HELZ2: variants seen among roughly 807,000 people sequenced by gnomAD.
HELZ2 encodes the protein helicase with zinc finger 2.
Under a neutral mutation model 208.8 loss-of-function variants are expected in HELZ2, and 143 were observed. The ratio of observed to expected loss-of-function variants is 0.68; its 90% CI spans 0.60 to 0.79. The LOEUF is 0.79. HELZ2 is among the 30% of genes least tolerant of loss of function. HELZ2 has a pLI of 0.00. For synonymous variants in HELZ2, 1,705 were observed against 1,693.7 expected, an observed-to-expected ratio of 1.01 and a Z score of -0.16; for missense variants, 3,690 against 3,794.5, an observed-to-expected ratio of 0.97 and a Z score of 0.72.
downstream of HELZ2, chr20:63,559,011 C>T (rs759291423): frequency 1.1e-4 from 51 of 471,130 alleles, no homozygotes; most frequent in Middle Eastern, 5.6e-4. Flanking sequence ...CCAAGGAAGC[C>T]CCTCTTGGCC....
chr20:63,561,486 G>A lies in HELZ2; in HGVS notation c.6837-20C>T, dbSNP rs898491977. On this transcript the variant is annotated intron_variant, in intron 12 of 18. Coordinates refer to ENST00000467148, the Ensembl canonical transcript of HELZ2. The stretch of plus-strand genomic sequence containing the variant: ...ATGCTCCTGGGGGACAGGACACAGT[G>A]AGCCCTGTCCACGCAGGGCCATCAC... 6.3e-7 allele frequency: 1 copy of A among 1,596,276 alleles called. No homozygotes were observed. Among genetic ancestry groups the A allele is most frequent in the Admixed American group, 1.7e-5 (1 of 59,086 alleles).
chr20:63,559,192 G>C (rs1465519222), downstream of HELZ2: 2 of 1,458,700 alleles, frequency 1.4e-6, no homozygotes, highest in Admixed American at 4.6e-5. Flanking sequence ...GGAGGGTGGG[G>C]GGGCCCTGGA....
intron 1 of HELZ2, 121 bp from the exon 3 acceptor site, chr20:63,570,989 C>T (rs531258465): frequency 5.9e-5 from 44 of 751,746 alleles, no homozygotes; most frequent in Non-Finnish European, 8.1e-5. Flanking sequence ...ATTCGTCCCA[C>T]CCACTCCTGT....
exon 18 of HELZ2, chr20:63,559,954 C>G (rs1297922295): frequency 6.2e-7 from 1 of 1,611,412 alleles, no homozygotes; most frequent in Non-Finnish European, 8.5e-7. Context: ...CTCCTGGGCC[C>G]GCGTGACAGC....
At chr20:63,569,385 G>T (rs6089924) in exon 4 of HELZ2, 2 of 1,608,404 alleles carry the variant, frequency 1.2e-6, no homozygotes, top group Non-Finnish European at 1.7e-6. Flanking sequence ...GTGGCCGAGC[G>T]CCAGATTCCT....
chr20:63,568,350 G>C lies in HELZ2; in HGVS notation c.1730+8C>G, dbSNP rs372678737. The C allele has an allele frequency of 2.5e-6, 4 of 1,604,998 alleles. No homozygotes were observed. In the South Asian group the frequency reaches 4.4e-5, roughly 18 times the overall value. The stretch of plus-strand genomic sequence containing the variant: ...GGTGAGGTGGGGGCAGGCCAGGCTC[G>C]GGCTTACCTGTTGGTGTGTGTGCAG... On this transcript the variant is annotated splice_region_variant and intron_variant, in intron 5 of 18. Coordinates refer to ENST00000467148, the Ensembl canonical transcript of HELZ2.
At position 63,564,045 on chromosome 20, in the gene HELZ2, CG is replaced by C; in HGVS notation, c.4776del (p.Asp1593ThrfsTer377). The C allele has an allele frequency of 2.5e-6, 4 of 1,604,814 alleles. No individual in the cohort carries two copies. The highest frequency in any genetic ancestry group is 1.7e-6 in the Non-Finnish European group (2 of 1,176,930). ...GAGGCCAGGAGGTGCAGCCGCGTGT[CG>C]GGGGGACTGCCCCCGCCGCCGTGCA... On this transcript the variant is annotated frameshift_variant, in exon 8 of 19. Coordinates refer to ENST00000467148, the Ensembl canonical transcript of HELZ2. LOFTEE classifies it high-confidence loss of function.
chr20:63,567,519 C>T (rs763459683), exon 6 of HELZ2: 7 of 1,562,168 alleles, frequency 4.5e-6, no homozygotes, highest in African/African-American at 2.7e-5. Context: ...TGACTGGGTC[C>T]GTCTGGCTCA....
Position 63,568,357 on chromosome 20 carries a change from C to T in HELZ2, c.1730+1G>A. 6.2e-7 allele frequency: 1 copy of T among 1,608,308 alleles called. No homozygotes were observed. ...TGGGGGCAGGCCAGGCTCGGGCTTA[C>T]CTGTTGGTGTGTGTGCAGATGAGCA... is the stretch of plus-strand genomic sequence containing the variant. On this transcript the variant is annotated splice_donor_variant, in intron 5 of 18. Coordinates refer to ENST00000467148, the Ensembl canonical transcript of HELZ2. LOFTEE classifies it high-confidence loss of function.
At chr20:63,566,025 G>C in exon 8 of HELZ2, 2 of 1,593,694 alleles carry the variant, frequency 1.3e-6, no homozygotes, top group Non-Finnish European at 1.7e-6. Context: ...ACGCACTCAC[G>C]GATGAAGCTC....
chr20:63,567,699 GTGCC>G, intron 5 of HELZ2, 72 bp from the exon 7 acceptor site: 1 of 1,512,704 alleles, frequency 6.6e-7, no homozygotes, highest in Non-Finnish European at 8.8e-7. Context: ...CACCTACTGT[GTGCC>G]CAGCCGAGCT....
exon 4 of HELZ2, chr20:63,569,280 T>C: frequency 6.3e-7 from 1 of 1,576,150 alleles, no homozygotes; most frequent in Non-Finnish European, 8.6e-7. Context: ...GGCAGGGCCC[T>C]TGTACTTGGC....
At position 63,565,477 on chromosome 20, in the gene HELZ2, C is replaced by T. The variant is rs762786259; in HGVS notation, c.3345G>A (p.Pro1115=). 7.4e-5 allele frequency: 119 copies of T among 1,607,620 alleles called. No individual in the cohort carries two copies. In the Admixed American group the frequency reaches 1.3e-3, roughly 18 times the overall value. The change falls in exon 8 of 19, where the codon CCG becomes CCA. Residue 1115 remains proline, a synonymous_variant. Transcript: ENST00000467148. Reference sequence around the variant, plus strand: ...CGTGCAGCAGCTTCCGTAGCGCAGCCGGGGGCAGGTTCTCGTACAGCCGGG... The same window carrying T: ...CGTGCAGCAGCTTCCGTAGCGCAGCTGGGGGCAGGTTCTCGTACAGCCGGG...
At chr20:63,572,721 C>T (rs954836835), upstream of HELZ2, 93 of 314,874 alleles carry the variant, frequency 3.0e-4, no homozygotes, top group Non-Finnish European at 4.8e-4. Flanking sequence ...CTGCCCTGCA[C>T]CTCCGCCTTC....
intron 1 of HELZ2, 120 bp from the exon 3 acceptor site, chr20:63,570,988 A>C (rs1391790119): frequency 1.3e-6 from 1 of 760,384 alleles, no homozygotes; most frequent in Non-Finnish European, 2.1e-6. Flanking sequence ...TATTCGTCCC[A>C]CCCACTCCTG....
rs774705088 is a variant in HELZ2 at position 63,561,187 on chromosome 20, G to T, written c.7041C>A (p.Ala2347=). 1.9e-6 allele frequency: 3 copies of T among 1,613,066 alleles called. 1 individual carries two copies. Among genetic ancestry groups the T allele is most frequent in the South Asian group, 2.2e-5 (2 of 91,088 alleles). ...GCCTCACGTCCAGGATTTTGAGGCT[G>T]GCAGAGGCTGCACAGGAGCAGGTGC... The change falls in exon 14 of 19, where the codon GCC becomes GCA. Residue 2347 remains alanine, a synonymous_variant. Coordinates refer to ENST00000467148, the Ensembl canonical transcript of HELZ2.
chr20:63,566,717 G>C, intron 6 of HELZ2, 127 bp downstream of exon 7: 1 of 964,830 alleles, frequency 1.0e-6, no homozygotes, highest in Non-Finnish European at 1.5e-6. Context: ...TCAGCCCTGG[G>C]AGGCAAATAC....
chr20:63,565,466 C>T lies in HELZ2; in HGVS notation c.3356G>A (p.Arg1119Gln), dbSNP rs140736792. 4.2e-4 allele frequency: 668 copies of T among 1,608,248 alleles called. 4 individuals are homozygous for T. Among genetic ancestry groups the T allele is most frequent in the Admixed American group, 1.0e-3 (61 of 59,930 alleles). ...CTCGGGCTCCGCGTGCAGCAGCTTC[C>T]GTAGCGCAGCCGGGGGCAGGTTCTC... Residue 1119 changes from arginine to glutamine, a missense_variant, in exon 8 of 19, where the codon CGG (arginine) becomes CAG (glutamine). Arg to Gln is a conservative substitution (Grantham distance 43, BLOSUM62 1). Around this residue, in one of 3 missense-constraint regions of HELZ2, gnomAD observed 2,564 missense variants for 2,580.5 expected, o/e 0.99. Coordinates refer to ENST00000467148, the Ensembl canonical transcript of HELZ2.
chr20:63,561,068 C>A lies in HELZ2; in HGVS notation c.7146+14G>T. 6.2e-7 allele frequency: 1 copy of A among 1,605,934 alleles called. No individual in the cohort carries two copies. The highest frequency in any genetic ancestry group is 8.5e-7 in the Non-Finnish European group (1 of 1,175,440). ...GACGCCTGCTCATGCTGCCCACACC[C>A]CCCGCCGACCAACCTTCTCGGCCTG... is the stretch of plus-strand genomic sequence containing the variant. On this transcript the variant is annotated intron_variant, in intron 14 of 18. Transcript: ENST00000467148.
Sources: allele counts gnomAD v4.1 joint callset, GRCh38; gene constraint gnomAD v4.1.1; regional missense constraint gnomAD v4.1.1; transcripts MANE v1.5; gene names NCBI Gene and HGNC (gene_info 2026-07-23, HGNC 2026-07-21).